TRA2B: variants seen among roughly 807,000 people sequenced by gnomAD.
TRA2B encodes the protein transformer-2 protein homolog beta.
In TRA2B, 14 loss-of-function variants were observed where a neutral mutation model predicts 41.7. The observed-to-expected ratio is 0.34, with a 90% CI of 0.22 to 0.53. The LOEUF is 0.53. TRA2B is among the 20% of genes least tolerant of loss of function. The pLI is 0.95. For missense variants in TRA2B, 167 were observed against 396.8 expected (o/e 0.42, Z 4.92); for synonymous variants, 130 against 128.8 (o/e 1.01, Z -0.06).
In TRA2B at chr3:185,917,615, T is replaced by C; in HGVS notation, c.*100A>G. The C allele has an allele frequency of 3.8e-6, 5 of 1,328,758 alleles. No homozygotes were observed. The highest frequency in any genetic ancestry group is 5.3e-6 in the Non-Finnish European group (5 of 944,814). 82.3% of individuals were successfully genotyped at this position (1,328,758 alleles called of 1,614,324 possible). Reference sequence around the variant, plus strand: ...GTAAAAGGTGTAAAAGTCACCTAACTTCACTAGGCACTGTTCACTTTTTAA... The same window carrying C: ...GTAAAAGGTGTAAAAGTCACCTAACCTCACTAGGCACTGTTCACTTTTTAA... On this transcript the variant is annotated 3_prime_UTR_variant, in exon 9 of 9. Coordinates refer to ENST00000453386, the MANE Select transcript of TRA2B (RefSeq NM_004593.3).
At position 185,935,540 on chromosome 3, in the gene TRA2B, T is replaced by G. The variant is rs1034786119; in HGVS notation, c.36+2285A>C. The G allele has an allele frequency of 3.0e-6, 3 of 984,784 alleles. No individual in the cohort carries two copies. In the African/African-American group the frequency reaches 5.3e-5, roughly 17 times the overall value. The allele number at this position is 984,784 out of a possible 1,614,324, so 61.0% of individuals were successfully genotyped here. A position where few individuals can be genotyped will look rare whatever the true frequency, so the allele number is the denominator to read the frequency against. The stretch of plus-strand genomic sequence containing the variant: ...CTGGAAAAGGTGGGGCACAGAGGGG[T>G]GGGGTTGTCTGGATTAGAGACAGAT... On this transcript the variant is annotated intron_variant, in intron 1 of 8. Coordinates refer to ENST00000453386, the MANE Select transcript of TRA2B (RefSeq NM_004593.3).
At position 185,930,383 on chromosome 3, in the gene TRA2B, ACTT is replaced by A. The variant is rs756240278; in HGVS notation, c.37-3652_37-3650del. Among the ~76,000 whole-genome samples, 53 of 151,804 alleles carry A rather than the reference ACTT, an allele frequency of 3.5e-4. 1 individual carries two copies. Among genetic ancestry groups the A allele is most frequent in the African/African-American group, 5.6e-4 (23 of 41,098 alleles). On this transcript the variant is annotated intron_variant, in intron 1 of 8. Transcript: ENST00000453386. ...AAGAAATTTGACAAAGGAATGCAAA[ACTT>A]CTTAAGAGAAAATTTTCTTCTGCTT...
intron 7 of TRA2B, 28 bp from the exon 8 acceptor site, chr3:185,918,466 GTC>G: frequency 6.6e-7 from 1 of 1,509,124 alleles, no homozygotes; most frequent in Non-Finnish European, 9.2e-7. Flanking sequence ...GATTGTCTAA[GTC>G]TCAATAGATC....
chr3:185,918,460 G>A (rs756784491), intron 7 of TRA2B, 22 bp from the exon 8 acceptor site: 7 of 1,566,784 alleles, frequency 4.5e-6, no homozygotes, highest in Non-Finnish European at 6.2e-6. Flanking sequence ...TGTCAAGATT[G>A]TCTAAGTCTC....
rs888243919 is a variant in TRA2B, at chr3:185,916,151, G to GT, written c.*1563dup. ...GCAAACACTGAAAACACCCTGGACA[G>GT]TAAGTTTTACAAATTAAGACCTGCC... On this transcript the variant is annotated 3_prime_UTR_variant, in exon 9 of 9. Coordinates refer to ENST00000453386, the MANE Select transcript of TRA2B (RefSeq NM_004593.3). 1.4e-4 allele frequency: 22 copies of GT among 152,290 alleles called. No individual in the cohort carries two copies. The highest frequency in any genetic ancestry group is 1.0e-3 in the Admixed American group (16 of 15,296). 9.4% of individuals were successfully genotyped at this position (152,290 alleles called of 1,614,324 possible).
chr3:185,918,247 G>A (rs1209419695), intron 8 of TRA2B, 118 bp downstream of exon 8: 1 of 687,160 alleles, frequency 1.5e-6, no homozygotes, highest in Non-Finnish European at 2.4e-6. Flanking sequence ...CAGGATGTGT[G>A]GAGAATCATT....
chr3:185,935,641 A>G (rs1003088704), intron 1 of TRA2B: 11 of 985,330 alleles, frequency 1.1e-5, no homozygotes, highest in African/African-American at 5.2e-5. Context: ...CTGGAGTTGA[A>G]TAACACTCAT....
At chr3:185,934,182 TA>T (rs577363083) in intron 1 of TRA2B, among the ~76,000 whole-genome samples, 1 of 152,084 alleles carries the variant, frequency 6.6e-6, no homozygotes, top group Non-Finnish European at 1.5e-5. Context: ...CATGCCTTGT[TA>T]AAAAAACAGT....
chr3:185,926,780 CT>C (rs1404836345), intron 1 of TRA2B, 46 bp from the exon 2 acceptor site: 1 of 1,605,522 alleles, frequency 6.2e-7, no homozygotes, highest in Non-Finnish European at 8.5e-7. Flanking sequence ...TTCTGGGCAA[CT>C]TTAAAAACAA....
At chr3:185,935,496 CAACA>C in intron 1 of TRA2B, 3 of 985,362 alleles carry the variant, frequency 3.0e-6, no homozygotes, top group Non-Finnish European at 3.6e-6. Flanking sequence ...AGGGACACAA[CAACA>C]AACTCCTACA....
intron 6 of TRA2B, 86 bp from the exon 7 acceptor site, chr3:185,919,582 T>G: frequency 8.8e-7 from 1 of 1,133,016 alleles, no homozygotes; most frequent in East Asian, 2.6e-5. Flanking sequence ...ATAAAAACTT[T>G]CATAGAGCAT....
At chr3:185,937,764 C>T in intron 1 of TRA2B, 61 bp downstream of exon 1, 2 of 1,611,474 alleles carry the variant, frequency 1.2e-6, no homozygotes, top group Admixed American at 3.3e-5. Flanking sequence ...GGCCGACGGG[C>T]CTAGAAAAAG....
intron 5 of TRA2B, among the ~76,000 whole-genome samples, chr3:185,921,728 C>CA (rs1743744074): frequency 6.6e-6 from 1 of 152,294 alleles, no homozygotes; most frequent in African/African-American, 2.4e-5. Flanking sequence ...TGCACCATCG[C>CA]ACTCCAGCCT....
At position 185,918,316 on chromosome 3, in the gene TRA2B, G is replaced by A. The variant is rs564482611; in HGVS notation, c.856+49C>T. 24 of 1,392,674 alleles carry A rather than the reference G, an allele frequency of 1.7e-5. No individual in the cohort carries two copies. In the South Asian group the frequency reaches 2.2e-4, roughly 13 times the overall value. 86.3% of individuals were successfully genotyped at this position (1,392,674 alleles called of 1,614,324 possible). Reference sequence around the variant, plus strand: ...TGATAAAGGGAATACACTGTCATCAGAGCAAGCCATACTACAATATAAACA... The same window carrying A: ...TGATAAAGGGAATACACTGTCATCAAAGCAAGCCATACTACAATATAAACA... On this transcript the variant is annotated intron_variant, in intron 8 of 8. Coordinates refer to ENST00000453386, the MANE Select transcript of TRA2B (RefSeq NM_004593.3).
chr3:185,927,661 G>A (rs1488515471), intron 1 of TRA2B: 1 of 152,162 alleles, frequency 6.6e-6, no homozygotes, highest in African/African-American at 2.4e-5. Context: ...CCAAAACTGG[G>A]ATTGGCTGGC....
At chr3:185,920,386 TG>T (rs1024866504) in intron 6 of TRA2B, among the ~76,000 whole-genome samples, 1 of 152,172 alleles carries the variant, frequency 6.6e-6, no homozygotes, top group Admixed American at 6.5e-5. Context: ...GGTCTTGCTC[TG>T]GGGGAGGAGA....
intron 1 of TRA2B, among the ~76,000 whole-genome samples, chr3:185,929,864 T>G (rs1304998159): frequency 6.6e-6 from 1 of 152,200 alleles, no homozygotes; most frequent in African/African-American, 2.4e-5. Context: ...ACTCATTTTT[T>G]TCCCTTGGCA....
At chr3:185,919,535 T>C (rs1356860868) in intron 6 of TRA2B, 39 bp from the exon 7 acceptor site, 1 of 1,558,912 alleles carries the variant, frequency 6.4e-7, no homozygotes, top group Non-Finnish European at 8.7e-7. Context: ...GCATTCAGTT[T>C]GTAAGTTTTA....
chr3:185,934,072 TA>T (rs1744255140), intron 1 of TRA2B, among the ~76,000 whole-genome samples: 1 of 152,134 alleles, frequency 6.6e-6, no homozygotes, highest in Non-Finnish European at 1.5e-5. Flanking sequence ...GTTTGCAGTT[TA>T]AAAACAAGAC....
Sources: gnomAD v4.1 joint callset for allele counts (sites outside exome capture counted in the v4.1 genomes callset) on GRCh38, gnomAD v4.1.1 for gene constraint, MANE v1.5 for transcripts, NCBI Gene and HGNC (gene_info 2026-07-23, HGNC 2026-07-21) for gene names.